The following DYNC1H1 variants were observed in gnomAD, a reference collection of about 807,000 sequenced individuals.
DYNC1H1 encodes cytoplasmic dynein 1 heavy chain 1.
A neutral mutation model predicts 527.1 loss-of-function variants in DYNC1H1; 51 were observed. The observed-to-expected ratio is 0.10, with a 90% CI of 0.08 to 0.12. DYNC1H1 has a LOEUF of 0.12. Ranked by LOEUF, DYNC1H1 falls within the 10% of genes least tolerant of loss-of-function variation. The pLI is 1.00. For missense variants in DYNC1H1, 2,771 were observed against 5,971.8 expected, an observed-to-expected ratio of 0.46 and a Z score of 17.66; for synonymous variants, 2,189 against 2,278.8, an observed-to-expected ratio of 0.96 and a Z score of 1.12.
At chr14:101,987,139 G>C (rs1162493204) in intron 8 of DYNC1H1, among the ~76,000 whole-genome samples, 1 of 152,242 alleles carries the variant, frequency 6.6e-6, no homozygotes, top group Non-Finnish European at 1.5e-5. Flanking sequence ...AGCGAGGCTG[G>C]CTCCCCAGGC....
intron 12 of DYNC1H1, 39 bp from the exon 13 acceptor site, chr14:101,994,634 A>G (rs780039703): frequency 1.2e-6 from 2 of 1,612,274 alleles, no homozygotes; most frequent in South Asian, 2.2e-5. Context: ...TACAAAATGA[A>G]AACTCAAACT....
At position 102,027,158 on chromosome 14, in the gene DYNC1H1, T is replaced by A; in HGVS notation, c.8772-16T>A. ...ATTATAAGCCTTAACATTGATCAGT[T>A]CTCGTAATGTTTCAGAATATTCCGT... On this transcript the variant is annotated splice_polypyrimidine_tract_variant and intron_variant, in intron 44 of 77. Coordinates refer to ENST00000360184, the MANE Select transcript of DYNC1H1 (RefSeq NM_001376.5). This position sits in a 1 kb window ranked among gnomAD's most constrained non-coding sequence, Gnocchi z 7.7. The A allele has an allele frequency of 6.2e-7, 1 of 1,612,280 alleles. No individual in the cohort carries two copies. The highest frequency in any genetic ancestry group is 1.3e-5 in the African/African-American group (1 of 75,008).
intron 10 of DYNC1H1, 48 bp from the exon 11 acceptor site, chr14:101,991,479 T>C: frequency 6.2e-7 from 1 of 1,612,574 alleles, no homozygotes; most frequent in African/African-American, 1.3e-5. Flanking sequence ...AAAATTTTTT[T>C]TATTGAAAAA....
chr14:102,001,725 C>T lies in DYNC1H1; in HGVS notation c.4542+44C>T. 1 of 1,612,622 alleles carries T rather than the reference C, an allele frequency of 6.2e-7. No individual in the cohort carries two copies. Among genetic ancestry groups the T allele is most frequent in the Non-Finnish European group, 8.5e-7 (1 of 1,179,638 alleles). ...CTTTCCCTCCCCACCAGTGGTCTCC[C>T]ACGCTTTCACTGTAATGCCTTTTCA... On this transcript the variant is annotated intron_variant, in intron 21 of 77. Coordinates refer to ENST00000360184, the MANE Select transcript of DYNC1H1 (RefSeq NM_001376.5). This position sits in a 1 kb window ranked among gnomAD's most constrained non-coding sequence, Gnocchi z 5.0.
intron 1 of DYNC1H1, among the ~76,000 whole-genome samples, chr14:101,972,365 A>C (rs2047748959): frequency 6.6e-6 from 1 of 152,244 alleles, no homozygotes; most frequent in Non-Finnish European, 1.5e-5. Flanking sequence ...ATGCACAGAA[A>C]GACTAGTCCA....
rs2048185317 is a variant in DYNC1H1, at chr14:102,005,368, C to T, written c.5433+132C>T. On this transcript the variant is annotated intron_variant, in intron 26 of 77. Coordinates refer to ENST00000360184, the MANE Select transcript of DYNC1H1 (RefSeq NM_001376.5). This position sits in a 1 kb window ranked among gnomAD's most constrained non-coding sequence, Gnocchi z 4.0. ...GAACAGTGGATGGTGTATGGATATC[C>T]TCTGAGGGTGGGCATTTGGCTCCCT... is the stretch of plus-strand genomic sequence containing the variant. 2 of 1,275,642 alleles carry T rather than the reference C, an allele frequency of 1.6e-6. No homozygotes were observed. Among genetic ancestry groups the T allele is most frequent in the Non-Finnish European group, 2.3e-6 (2 of 886,808 alleles). The allele number at this position is 1,275,642 out of a possible 1,614,324, so 79.0% of individuals were successfully genotyped here.
intron 9 of DYNC1H1, among the ~76,000 whole-genome samples, chr14:101,988,353 G>A (rs891732236): frequency 6.6e-6 from 1 of 152,238 alleles, no homozygotes; most frequent in Admixed American, 6.5e-5. Context: ...GGGATGGGTA[G>A]AAGGTGTGGT....
In DYNC1H1 at chr14:102,038,324, C is replaced by T. The variant is rs2152594625; in HGVS notation, c.10909-136C>T. The T allele has an allele frequency of 5.7e-6, 8 of 1,394,268 alleles. No individual in the cohort carries two copies. The East Asian group carries it at 7.4e-5, about 13-fold the overall frequency. 86.4% of individuals were successfully genotyped at this position (1,394,268 alleles called of 1,614,324 possible). A position where few individuals can be genotyped will look rare whatever the true frequency, so the allele number is the denominator to read the frequency against. On this transcript the variant is annotated intron_variant, in intron 57 of 77. Coordinates refer to ENST00000360184, the MANE Select transcript of DYNC1H1 (RefSeq NM_001376.5). The surrounding 1 kb of genome is among the most constrained non-coding windows in gnomAD (Gnocchi z 7.2). Reference sequence around the variant, plus strand: ...TTTAAATGTAAGTAGCCACACATAGCTAGTGGCCACCACACGCAAGTGGCG... The same window carrying T: ...TTTAAATGTAAGTAGCCACACATAGTTAGTGGCCACCACACGCAAGTGGCG...
intron 1 of DYNC1H1, among the ~76,000 whole-genome samples, chr14:101,968,796 A>G (rs891027161): frequency 1.3e-5 from 2 of 152,316 alleles, no homozygotes; most frequent in East Asian, 1.9e-4. Context: ...TCTTGGACAC[A>G]AGTGATCCTG....
At position 102,027,427 on chromosome 14, in the gene DYNC1H1, G is replaced by A; in HGVS notation, c.8931G>A (p.Arg2977=). Residue 2977 remains arginine (R), a synonymous_variant, in exon 46 of 78, where the codon CGG becomes CGA. Transcript: ENST00000360184. This position sits in a 1 kb window ranked among gnomAD's most constrained non-coding sequence, Gnocchi z 7.7. The part of the protein sequence containing the change: ...YTGEDFDEDL[R]TVLRRSGCKN... ...GGGAAGACTTTGATGAAGATCTACG[G>A]ACAGTGTTGAGACGTTCTGGCTGTA... The A allele has an allele frequency of 1.2e-6, 2 of 1,614,136 alleles. No homozygotes were observed. The highest frequency in any genetic ancestry group is 1.7e-6 in the Non-Finnish European group (2 of 1,180,028).
At chr14:101,990,474 C>T (rs369464710) in intron 10 of DYNC1H1, among the ~76,000 whole-genome samples, 2 of 152,130 alleles carry the variant, frequency 1.3e-5, no homozygotes, top group African/African-American at 4.8e-5. Context: ...GCACAAATGA[C>T]AAACATGACA....
intron 1 of DYNC1H1, among the ~76,000 whole-genome samples, chr14:101,971,937 T>C (rs2047743526): frequency 1.3e-5 from 2 of 152,194 alleles, no homozygotes; most frequent in African/African-American, 4.8e-5. Context: ...CAGTATAGCT[T>C]GCAGGGAAGG....
rs540787933 is a variant in DYNC1H1, at chr14:102,056,407, C to T, written c.*5844C>T. 1.3e-5 allele frequency: 2 copies of T among 152,252 alleles called. No individual in the cohort carries two copies. Among genetic ancestry groups the T allele is most frequent in the Admixed American group, 6.5e-5 (1 of 15,292 alleles). The allele number at this position is 152,252 out of a possible 1,614,324, so 9.4% of individuals were successfully genotyped here. ...CTGGGATTTTAAGATGGTAACTTGCCGATGCTCCCAGCTGAATAAAGCCCT... is the reference window on the plus strand; with the variant it reads ...CTGGGATTTTAAGATGGTAACTTGCTGATGCTCCCAGCTGAATAAAGCCCT... On this transcript the variant is annotated 3_prime_UTR_variant, in exon 78 of 78. Transcript: ENST00000360184.
rs376901405 is a variant in DYNC1H1 at position 102,016,414 on chromosome 14, G to C, written c.7539G>C (p.Glu2513Asp). 10 of 1,613,992 alleles carry C rather than the reference G, an allele frequency of 6.2e-6. No individual in the cohort carries two copies. Among genetic ancestry groups the C allele is most frequent in the Non-Finnish European group, 8.5e-6 (10 of 1,180,032 alleles). ...SGDSRLKMRA[E>D]LGEYIRRITT... ...ACAGCCGGCTAAAAATGAGAGCAGAGCTGGGTGAATACATCAGAAGAATCA... is the reference window on the plus strand; with the variant it reads ...ACAGCCGGCTAAAAATGAGAGCAGACCTGGGTGAATACATCAGAAGAATCA... Residue 2513 changes from glutamate (E) to aspartate (D), a missense_variant, in exon 37 of 78, where the codon GAG (glutamate) becomes GAC (aspartate). By Grantham distance (45) the Glu-to-Asp change is conservative (BLOSUM62 2). This residue lies in a region of DYNC1H1 where 71 missense variants were observed against 143.6 expected (regional missense o/e 0.49). Transcript: ENST00000360184. The surrounding 1 kb of genome is among the most constrained non-coding windows in gnomAD (Gnocchi z 7.3).
Position 102,006,022 on chromosome 14 carries a change from G to A in DYNC1H1, c.5568G>A (p.Gln1856=), listed in dbSNP as rs200001375. Residue 1856 remains glutamine, a synonymous_variant, in exon 27 of 78, where the codon CAG becomes CAA. Transcript: ENST00000360184. ...CTAAGCAAACTGATGTGTTACAGCA[G>A]TTGTCAATTCAAATGGCAAATGCCA... ...FDPKQTDVLQ[Q]LSIQMANAKF... is the part of the protein sequence containing the mutation. 1 of 1,614,246 alleles carries A rather than the reference G, an allele frequency of 6.2e-7. No individual in the cohort carries two copies. Among genetic ancestry groups the A allele is most frequent in the African/African-American group, 1.3e-5 (1 of 75,066 alleles).
chr14:102,006,268 T>C, intron 27 of DYNC1H1, 98 bp downstream of exon 27: 2 of 1,552,392 alleles, frequency 1.3e-6, no homozygotes, highest in Non-Finnish European at 1.7e-6. Flanking sequence ...AGATGGAGTG[T>C]CTGTCGCCCA....
At chr14:102,047,770 C>T in intron 72 of DYNC1H1, 47 bp from the exon 73 acceptor site, 1 of 1,608,864 alleles carries the variant, frequency 6.2e-7, no homozygotes, top group South Asian at 1.1e-5. Flanking sequence ...TGATTTCTTG[C>T]CCGTCCCCTC....
intron 43 of DYNC1H1, among the ~76,000 whole-genome samples, chr14:102,025,626 T>A (rs1203484218): frequency 6.6e-6 from 1 of 151,956 alleles, no homozygotes; most frequent in Non-Finnish European, 1.5e-5. Context: ...CTAATTGAGT[T>A]TGTGTATTGA....
chr14:102,020,462 G>C lies in DYNC1H1; in HGVS notation c.8507+406G>C, dbSNP rs562166228. ...AACCTTACCAGAGCACGGGTTCACT[G>C]CTGAGTTAAAAGGTCTCCCAACAAC... On this transcript the variant is annotated intron_variant, in intron 42 of 77. Transcript: ENST00000360184. The surrounding 1 kb of genome is among the most constrained non-coding windows in gnomAD (Gnocchi z 4.3). Among the ~76,000 whole-genome samples, 1 of 152,254 alleles carries C rather than the reference G, an allele frequency of 6.6e-6. No homozygotes were observed. The highest frequency in any genetic ancestry group is 6.5e-5 in the Admixed American group (1 of 15,288).
Sources: gnomAD v4.1 joint callset for allele counts (sites outside exome capture counted in the v4.1 genomes callset) on GRCh38, gnomAD v4.1.1 for gene constraint, gnomAD v4.1.1 regional missense constraint, Gnocchi (gnomAD v3.1) non-coding constraint, MANE v1.5 for transcripts, NCBI Gene and HGNC (gene_info 2026-07-23, HGNC 2026-07-21) for gene names.